RPTOR: variants seen among roughly 807,000 people sequenced by gnomAD.
RPTOR encodes regulatory-associated protein of mTOR.
RPTOR carries 21 observed loss-of-function variants against 169.9 expected under a neutral mutation model. The ratio of observed to expected loss-of-function variants is 0.12; its 90% CI spans 0.09 to 0.18. The LOEUF (loss-of-function observed/expected upper bound fraction) is 0.18, where lower values mean the gene tolerates loss of function less well. RPTOR is among the 10% of genes least tolerant of loss of function. RPTOR has a pLI of 1.00. For missense variants in RPTOR, 1,133 were observed against 1,855.9 expected, an observed-to-expected ratio of 0.61 and a Z score of 7.16; for synonymous variants, 732 against 753.2, an observed-to-expected ratio of 0.97 and a Z score of 0.46.
chr17:80,837,187 A>G (rs1190497833), intron 9 of RPTOR, among the ~76,000 whole-genome samples: 1 of 152,094 alleles, frequency 6.6e-6, no homozygotes, highest in Non-Finnish European at 1.5e-5. Flanking sequence ...AGGGGTCTCG[A>G]CAGGGGAAGC....
chr17:80,659,337 C>CT lies in RPTOR; in HGVS notation c.348+15534dup. On this transcript the variant is annotated intron_variant, in intron 3 of 33. Transcript: ENST00000306801. This position sits in a 1 kb window ranked among gnomAD's most constrained non-coding sequence, Gnocchi z 4.3. Reference sequence around the variant, plus strand: ...ATACCTTAGCCAGTTTCTGTGGCTGCTTTTTTTCTTTTGAAACAGGCTCTC... The same window carrying CT: ...ATACCTTAGCCAGTTTCTGTGGCTGCTTTTTTTTCTTTTGAAACAGGCTCTC... Among the ~76,000 whole-genome samples the CT allele has an allele frequency of 6.6e-6, 1 of 152,000 alleles. No homozygotes were observed. The highest frequency in any genetic ancestry group is 1.9e-4 in the East Asian group (1 of 5,190).
At position 80,796,243 on chromosome 17, in the gene RPTOR, G is replaced by A. The variant is rs564491697; in HGVS notation, c.890+4734G>A. Among the ~76,000 whole-genome samples, 63 of 152,252 alleles carry A rather than the reference G, an allele frequency of 4.1e-4. 1 individual carries two copies. In the South Asian group the frequency reaches 0.011, roughly 28 times the overall value. On this transcript the variant is annotated intron_variant, in intron 7 of 33. Coordinates refer to ENST00000306801, the MANE Select transcript of RPTOR (RefSeq NM_020761.3). Reference sequence around the variant, plus strand: ...TTTATTGATTAATATTAACTCACACGGTCACAAGATCCCACAATAGGTCAT... The same window carrying A: ...TTTATTGATTAATATTAACTCACACAGTCACAAGATCCCACAATAGGTCAT...
Position 80,746,920 on chromosome 17 carries a change from A to T in RPTOR, c.655-7090A>T, listed in dbSNP as rs1164220844. Reference sequence around the variant, plus strand: ...TGGCTTGAATGTCAGGATGTTTTTTAAAAATGCTAGGTTCTGGGTGGGTGC... The same window carrying T: ...TGGCTTGAATGTCAGGATGTTTTTTTAAAATGCTAGGTTCTGGGTGGGTGC... On this transcript the variant is annotated intron_variant, in intron 5 of 33. Coordinates refer to ENST00000306801, the MANE Select transcript of RPTOR (RefSeq NM_020761.3). This position sits in a 1 kb window ranked among gnomAD's most constrained non-coding sequence, Gnocchi z 4.5. Among the ~76,000 whole-genome samples the T allele has an allele frequency of 8.1e-6, 1 of 123,180 alleles. No homozygotes were observed. Among genetic ancestry groups the T allele is most frequent in the Non-Finnish European group, 1.9e-5 (1 of 51,904 alleles). 80.8% of individuals were successfully genotyped at this position (123,180 alleles called of 152,430 possible).
chr17:80,573,105 G>A lies in RPTOR; in HGVS notation c.162+27314G>A, dbSNP rs549851873. 1.4e-4 allele frequency among the ~76,000 whole-genome samples: 22 copies of A among 152,226 alleles called. 1 individual carries two copies. In the South Asian group the frequency reaches 3.7e-3, roughly 26 times the overall value. On this transcript the variant is annotated intron_variant, in intron 1 of 33. Coordinates refer to ENST00000306801, the MANE Select transcript of RPTOR (RefSeq NM_020761.3). ...TCGTAGGCCAAGTAGGTCTGTTTGG[G>A]ACTTGCTGTTTATCCCATTGATCTG...
At chr17:80,618,367 T>C (rs1354641987) in intron 1 of RPTOR, among the ~76,000 whole-genome samples, 1 of 149,670 alleles carries the variant, frequency 6.7e-6, no homozygotes, top group Non-Finnish European at 1.5e-5. Context: ...TAACGATTCC[T>C]TTTATGAAAC....
intron 1 of RPTOR, among the ~76,000 whole-genome samples, chr17:80,585,219 TC>T (rs200461858): frequency 4.4e-4 from 65 of 148,072 alleles, no homozygotes; most frequent in African/African-American, 1.1e-3. Flanking sequence ...TTTTTTTTTT[TC>T]CTGAGATGGA....
chr17:80,819,566 T>TC (rs2067358370), intron 7 of RPTOR, among the ~76,000 whole-genome samples: 4 of 152,210 alleles, frequency 2.6e-5, no homozygotes, highest in African/African-American at 2.4e-5. Flanking sequence ...ACATCCCATT[T>TC]CCCCATCTTG....
At chr17:80,931,687 G>A (rs188885477) in intron 24 of RPTOR, among the ~76,000 whole-genome samples, 151 of 152,324 alleles carry the variant, frequency 9.9e-4, no homozygotes, top group African/African-American at 3.2e-3. Flanking sequence ...CCAGCAGGGC[G>A]AGGACCTGCC....
chr17:80,817,208 C>A (rs1598326703), intron 7 of RPTOR, among the ~76,000 whole-genome samples: 3 of 152,150 alleles, frequency 2.0e-5, no homozygotes, highest in Admixed American at 2.0e-4. Context: ...AGAGGCTGGG[C>A]AGCTAGTCCA....
At chr17:80,833,542 C>T (rs920731276) in intron 9 of RPTOR, among the ~76,000 whole-genome samples, 1 of 152,222 alleles carries the variant, frequency 6.6e-6, no homozygotes, top group African/African-American at 2.4e-5. Context: ...CATGGCCTCT[C>T]GTGTGTACGT....
chr17:80,639,272 T>C (rs1428068269), intron 2 of RPTOR, among the ~76,000 whole-genome samples: 4 of 150,884 alleles, frequency 2.7e-5, no homozygotes, highest in African/African-American at 9.8e-5. Flanking sequence ...TAGGCAGCAC[T>C]CAATATGTCA....
chr17:80,854,558 C>T (rs1405531225), intron 11 of RPTOR, among the ~76,000 whole-genome samples: 1 of 152,232 alleles, frequency 6.6e-6, no homozygotes, highest in Non-Finnish European at 1.5e-5. Flanking sequence ...TGTACATGTG[C>T]CGATGTACCC....
rs74001167 is a variant in RPTOR at position 80,964,933 on chromosome 17, G to A, written c.*603G>A. On this transcript the variant is annotated 3_prime_UTR_variant, in exon 34 of 34. Transcript: ENST00000306801. Reference sequence around the variant, plus strand: ...CCAACTGGCGGGTGTGAAGGAAGCCGCCCAGGGGTCCGGGCTGTCCTTGGC... The same window carrying A: ...CCAACTGGCGGGTGTGAAGGAAGCCACCCAGGGGTCCGGGCTGTCCTTGGC... 0.01 allele frequency: 2,387 copies of A among 233,788 alleles called. 50 individuals carry two copies. The highest frequency in any genetic ancestry group is 0.049 in the African/African-American group (2,217 of 45,442). The allele number at this position is 233,788 out of a possible 1,614,324, so 14.5% of individuals were successfully genotyped here. A position where few individuals can be genotyped will look rare whatever the true frequency, so the allele number is the denominator to read the frequency against.
chr17:80,624,005 C>T (rs2143527613), intron 1 of RPTOR, among the ~76,000 whole-genome samples: 1 of 152,034 alleles, frequency 6.6e-6, no homozygotes. Context: ...AACTCCTGGG[C>T]TCAAGTGGTG....
Position 80,723,298 on chromosome 17 carries a change from A to G in RPTOR, c.508-7262A>G, listed in dbSNP as rs910072916. Among the ~76,000 whole-genome samples the G allele has an allele frequency of 1.5e-4, 22 of 151,210 alleles. 5 individuals are homozygous for G. The highest frequency in any genetic ancestry group is 5.4e-4 in the African/African-American group (22 of 40,504). On this transcript the variant is annotated intron_variant, in intron 4 of 33. Transcript: ENST00000306801. ...CCTTAAACTGCCATGCCCTAATTCT[A>G]ACATTCATGTGTAATTACTATCCTG...
At position 80,860,426 on chromosome 17, in the gene RPTOR, A is replaced by C. The variant is rs1598358939; in HGVS notation, c.1509+2526A>C. Among the ~76,000 whole-genome samples, 1 of 152,032 alleles carries C rather than the reference A, an allele frequency of 6.6e-6. No homozygotes were observed. Among genetic ancestry groups the C allele is most frequent in the African/African-American group, 2.4e-5 (1 of 41,404 alleles). ...CCCACCCACAGCCGCTGCTGATTCA[A>C]GTCCAGCCCAGGCCATCAGGTCCCC... On this transcript the variant is annotated intron_variant, in intron 13 of 33. Transcript: ENST00000306801. The surrounding 1 kb of genome is among the most constrained non-coding windows in gnomAD (Gnocchi z 5.8).
intron 20 of RPTOR, among the ~76,000 whole-genome samples, chr17:80,903,572 C>T (rs561723130): frequency 5.3e-5 from 8 of 152,320 alleles, no homozygotes; most frequent in African/African-American, 1.9e-4. Flanking sequence ...TTCTTAAAGA[C>T]GGGGTTTCGC....
intron 11 of RPTOR, among the ~76,000 whole-genome samples, chr17:80,847,647 C>A (rs2333988): frequency 0.054 from 8,201 of 152,274 alleles, 338 homozygotes; most frequent in East Asian, 0.18. Context: ...TGACTCCCCC[C>A]ACACACAGGA....
At chr17:80,709,354 T>C (rs1193950813) in intron 4 of RPTOR, among the ~76,000 whole-genome samples, 2 of 152,232 alleles carry the variant, frequency 1.3e-5, no homozygotes, top group African/African-American at 2.4e-5. Flanking sequence ...CTGTGGCGCC[T>C]GGCACAGTGA....
Sources: gnomAD v4.1 joint callset for allele counts (sites outside exome capture counted in the v4.1 genomes callset) on GRCh38, gnomAD v4.1.1 for gene constraint, Gnocchi (gnomAD v3.1) non-coding constraint, MANE v1.5 for transcripts, NCBI Gene and HGNC (gene_info 2026-07-23, HGNC 2026-07-21) for gene names.